The following CAMTA1 variants were observed in gnomAD, a reference collection of about 807,000 sequenced individuals.
The protein encoded by CAMTA1 is calmodulin-binding transcription activator 1.
A neutral mutation model predicts 170.9 loss-of-function variants in CAMTA1; 27 were observed. That is an observed-to-expected ratio of 0.16 (90% CI 0.12 to 0.22). The LOEUF (loss-of-function observed/expected upper bound fraction) is 0.22. CAMTA1 is among the 10% of genes least tolerant of loss of function. The pLI, the probability that CAMTA1 is intolerant of heterozygous loss-of-function variation, is 1.00. For synonymous variants in CAMTA1, 833 were observed against 891.5 expected (o/e 0.93, Z 1.17); for missense variants, 1,619 against 2,217.2 (o/e 0.73, Z 5.42).
intron 4 of CAMTA1, among the ~76,000 whole-genome samples, chr1:7,104,632 CT>C (rs1348782140): frequency 6.6e-6 from 1 of 152,182 alleles, no homozygotes; most frequent in South Asian, 2.1e-4. Flanking sequence ...CCAGTGTCCC[CT>C]AGCACTGTGC....
At chr1:7,310,878 A>C (rs1226671482) in intron 5 of CAMTA1, among the ~76,000 whole-genome samples, 2 of 151,460 alleles carry the variant, frequency 1.3e-5, no homozygotes, top group East Asian at 1.9e-4. Flanking sequence ...CTACAGGTGC[A>C]TGCTACCATG....
chr1:7,595,111 G>A lies in CAMTA1; in HGVS notation c.511-45289G>A, dbSNP rs534748011. Among the ~76,000 whole-genome samples the A allele has an allele frequency of 1.2e-4, 19 of 152,352 alleles. No homozygotes were observed. In the South Asian group the frequency reaches 3.9e-3, roughly 32 times the overall value. On this transcript the variant is annotated intron_variant, in intron 6 of 22. Transcript: ENST00000303635. Reference sequence around the variant, plus strand: ...TGATGGGGACTCCATAAACTAAGAAGAGGGGTCTTTCAGGATAGGGGTCCT... The same window carrying A: ...TGATGGGGACTCCATAAACTAAGAAAAGGGGTCTTTCAGGATAGGGGTCCT...
At chr1:7,624,435 C>T (rs1456655845) in intron 6 of CAMTA1, among the ~76,000 whole-genome samples, 2 of 152,306 alleles carry the variant, frequency 1.3e-5, no homozygotes, top group East Asian at 3.9e-4. Context: ...ACTGCTCCCA[C>T]AGGTGGAAAC....
intron 3 of CAMTA1, among the ~76,000 whole-genome samples, chr1:6,926,335 CTCCTT>C (rs1168593135): frequency 5.0e-5 from 7 of 138,638 alleles, no homozygotes; most frequent in Non-Finnish European, 7.8e-5. Context: ...CCCCTCTCCT[CTCCTT>C]TCCTTTCCTC....
chr1:7,117,063 G>C (rs574692518), intron 4 of CAMTA1, among the ~76,000 whole-genome samples: 1 of 151,274 alleles, frequency 6.6e-6, no homozygotes, highest in African/African-American at 2.4e-5. Context: ...CCACCTCCCA[G>C]GTTCAAGTGA....
intron 5 of CAMTA1, among the ~76,000 whole-genome samples, chr1:7,308,001 A>G (rs944373035): frequency 3.3e-5 from 5 of 151,936 alleles, no homozygotes; most frequent in African/African-American, 1.2e-4. Flanking sequence ...TTTTTCAGAA[A>G]GTTTTAAACT....
Position 6,887,040 on chromosome 1 carries a change from C to A in CAMTA1, c.234+61830C>A, listed in dbSNP as rs1673443106. Reference sequence around the variant, plus strand: ...CTGGAAATGGAATTTAAGAAGTCCACCTTCTTAGTCCTGTGCTTAAGCAGA... The same window carrying A: ...CTGGAAATGGAATTTAAGAAGTCCAACTTCTTAGTCCTGTGCTTAAGCAGA... On this transcript the variant is annotated intron_variant, in intron 3 of 22. Transcript: ENST00000303635. The surrounding 1 kb of genome is among the most constrained non-coding windows in gnomAD (Gnocchi z 4.1). Among the ~76,000 whole-genome samples the A allele has an allele frequency of 6.6e-6, 1 of 152,172 alleles. No homozygotes were observed. The highest frequency in any genetic ancestry group is 6.5e-5 in the Admixed American group (1 of 15,276).
intron 3 of CAMTA1, among the ~76,000 whole-genome samples, chr1:7,062,078 C>T (rs1233040674): frequency 3.3e-5 from 5 of 151,934 alleles, no homozygotes; most frequent in Non-Finnish European, 5.9e-5. Context: ...CCACCACGCA[C>T]GGCTAATTTT....
At chr1:7,105,953 G>C (rs1187764960) in intron 4 of CAMTA1, among the ~76,000 whole-genome samples, 5 of 151,900 alleles carry the variant, frequency 3.3e-5, no homozygotes, top group Admixed American at 6.6e-5. Flanking sequence ...AAAAAAAAAG[G>C]GTTTCCCCAG....
intron 6 of CAMTA1, among the ~76,000 whole-genome samples, chr1:7,552,047 G>A (rs972653487): frequency 7.2e-5 from 11 of 152,202 alleles, no homozygotes; most frequent in Non-Finnish European, 1.6e-4. Context: ...GAGGACCAGT[G>A]ACTTGCCATA....
intron 6 of CAMTA1, among the ~76,000 whole-genome samples, chr1:7,489,672 A>G (rs2093673427): frequency 6.6e-6 from 1 of 152,178 alleles, no homozygotes; most frequent in Non-Finnish European, 1.5e-5. Flanking sequence ...TCCATTTGGT[A>G]AATACACACT....
At chr1:7,468,118 G>T (rs2093255347) in intron 6 of CAMTA1, among the ~76,000 whole-genome samples, 2 of 152,206 alleles carry the variant, frequency 1.3e-5, no homozygotes, top group South Asian at 4.1e-4. Context: ...CTGGTGGCAG[G>T]GGTAGCTGTC....
chr1:7,667,366 C>T (rs1420643659), intron 9 of CAMTA1, among the ~76,000 whole-genome samples: 2 of 152,116 alleles, frequency 1.3e-5, no homozygotes, highest in African/African-American at 2.4e-5. Flanking sequence ...TGCGGGGGGA[C>T]GGTCAGAGCT....
Position 7,665,024 on chromosome 1 carries a change from C to T in CAMTA1, c.2477C>T (p.Pro826Leu). The change falls in exon 9 of 23, where the codon CCC becomes CTC. Residue 826 changes from proline (P) to leucine (L), a missense_variant. Physicochemically the swap from Pro to Leu is moderately conservative, Grantham distance 98. This residue lies in a region of CAMTA1 where 731 missense variants were observed against 907.6 expected (regional missense o/e 0.81). Coordinates refer to ENST00000303635, the MANE Select transcript of CAMTA1 (RefSeq NM_015215.4). The surrounding 1 kb of genome is among the most constrained non-coding windows in gnomAD (Gnocchi z 4.3). The stretch of plus-strand genomic sequence containing the variant: ...GAGATGTGCCTCCCCTGCTGTAGCC[C>T]CCAGCAGGGTAGCCTGCAGCTGAGC... Reference protein sequence around the residue: ...QAEMCLPCCSPQQGSLQLSSS... With the variant: ...QAEMCLPCCSLQQGSLQLSSS... The T allele has an allele frequency of 6.3e-7, 1 of 1,593,210 alleles. No individual in the cohort carries two copies.
intron 6 of CAMTA1, among the ~76,000 whole-genome samples, chr1:7,573,860 G>A (rs2150350245): frequency 6.6e-6 from 1 of 152,244 alleles, no homozygotes; most frequent in East Asian, 1.9e-4. Flanking sequence ...TACAAGCTCT[G>A]TCTCCTGGGT....
rs2097031482 is a variant in CAMTA1, at chr1:7,767,693, T to C, written c.*1202T>C. On this transcript the variant is annotated 3_prime_UTR_variant, in exon 23 of 23. Transcript: ENST00000303635. ...TTGTATATATTAAAACAGAGATATG[T>C]GCATGAAATCAAGAAAAAAGAAATG... 1 of 152,732 alleles carries C rather than the reference T, an allele frequency of 6.5e-6. No individual in the cohort carries two copies. The allele number at this position is 152,732 out of a possible 1,614,324, so 9.5% of individuals were successfully genotyped here.
At position 6,971,709 on chromosome 1, in the gene CAMTA1, C is replaced by T. The variant is rs1273080764; in HGVS notation, c.235-119595C>T. On this transcript the variant is annotated intron_variant, in intron 3 of 22. Coordinates refer to ENST00000303635, the MANE Select transcript of CAMTA1 (RefSeq NM_015215.4). The surrounding 1 kb of genome is among the most constrained non-coding windows in gnomAD (Gnocchi z 4.6). The stretch of plus-strand genomic sequence containing the variant: ...AAAACCCCCATGACCATCCTCCATG[C>T]TTATTAGGTAAGTGATTGGTGTGGA... Among the ~76,000 whole-genome samples, 1 of 152,182 alleles carries T rather than the reference C, an allele frequency of 6.6e-6. No individual in the cohort carries two copies. The highest frequency in any genetic ancestry group is 1.5e-5 in the Non-Finnish European group (1 of 68,036).
intron 6 of CAMTA1, among the ~76,000 whole-genome samples, chr1:7,520,210 CCTCCTCCT>C: frequency 7.6e-3 from 1 of 132 alleles, no homozygotes; most frequent in Non-Finnish European, 0.016. Context: ...ACCTCCTCCT[CCTCCTCCT>C]CCTCCTCCTC....
chr1:7,653,595 C>G (rs762411565), intron 7 of CAMTA1, among the ~76,000 whole-genome samples: 2 of 152,130 alleles, frequency 1.3e-5, no homozygotes, highest in African/African-American at 2.4e-5. Flanking sequence ...TGAAGATGCT[C>G]ACATACTGCC....
Sources: allele counts gnomAD v4.1 joint callset (sites outside exome capture counted in the v4.1 genomes callset), GRCh38; gene constraint gnomAD v4.1.1; regional missense constraint gnomAD v4.1.1; non-coding constraint Gnocchi (gnomAD v3.1); transcripts MANE v1.5; gene names NCBI Gene and HGNC (gene_info 2026-07-23, HGNC 2026-07-21).